RYR2: variants seen among roughly 807,000 people sequenced by gnomAD.
RYR2 encodes the protein ryanodine receptor 2.
In RYR2, 227 loss-of-function variants were observed where a neutral mutation model predicts 601.1. The ratio of observed to expected loss-of-function variants is 0.38; its 90% CI spans 0.34 to 0.42. The LOEUF (loss-of-function observed/expected upper bound fraction) is 0.42. RYR2 is among the 10% of genes least tolerant of loss of function. The pLI, the probability that RYR2 is intolerant of heterozygous loss-of-function variation, is 1.00. For missense variants in RYR2, 4,646 were observed against 6,156.5 expected (o/e 0.75, Z 8.21); for synonymous variants, 2,223 against 2,175.1 (o/e 1.02, Z -0.61).
chr1:237,797,128 C>A (rs1446283446), intron 96 of RYR2, among the ~76,000 whole-genome samples: 1 of 151,890 alleles, frequency 6.6e-6, no homozygotes, highest in African/African-American at 2.4e-5. Context: ...GGTATATGAA[C>A]CAGAGGCCAA....
intron 1 of RYR2, among the ~76,000 whole-genome samples, chr1:237,258,209 G>A (rs886431220): frequency 6.6e-6 from 1 of 151,556 alleles, no homozygotes; most frequent in African/African-American, 2.4e-5. Context: ...AAAAGAAAAG[G>A]GCTTTGCACA....
chr1:237,626,887 C>G (rs1679732696), intron 40 of RYR2, among the ~76,000 whole-genome samples: 1 of 151,946 alleles, frequency 6.6e-6, no homozygotes, highest in Non-Finnish European at 1.5e-5. Context: ...TTCAACGTTT[C>G]TTATGAATCA....
intron 1 of RYR2, among the ~76,000 whole-genome samples, chr1:237,221,459 C>A (rs1431261808): frequency 3.3e-5 from 5 of 152,226 alleles, no homozygotes; most frequent in Non-Finnish European, 7.4e-5. Flanking sequence ...ACAAGCATGA[C>A]ATTTCGAACA....
At chr1:237,828,523 C>G in intron 102 of RYR2, 78 bp downstream of exon 102, 1 of 944,318 alleles carries the variant, frequency 1.1e-6, no homozygotes, top group Non-Finnish European at 1.6e-6. Flanking sequence ...TCAATAGAAT[C>G]ATGAATGTGG....
intron 8 of RYR2, among the ~76,000 whole-genome samples, chr1:237,379,581 T>C (rs564094291): frequency 1.2e-3 from 183 of 152,368 alleles, no homozygotes; most frequent in Admixed American, 2.0e-3. Flanking sequence ...TCATGATTAA[T>C]TAAAATTTAC....
intron 7 of RYR2, 130 bp downstream of exon 7, chr1:237,374,925 G>T: frequency 1.4e-6 from 1 of 701,408 alleles, no homozygotes; most frequent in Non-Finnish European, 2.4e-6. Flanking sequence ...ATGTTCTAAT[G>T]AAAGTTTTTC....
intron 87 of RYR2, among the ~76,000 whole-genome samples, chr1:237,775,088 A>AAAC (rs1694557710): frequency 6.6e-6 from 1 of 151,852 alleles, no homozygotes; most frequent in Admixed American, 6.6e-5. Context: ...AAAAAAAAAA[A>AAAC]AAAAAAACAG....
rs386370106 is a variant in RYR2, at chr1:237,262,245, G to GTTTTTTTTTTTTTTT, written c.49-8239_49-8225dup. 1.4e-3 allele frequency among the ~76,000 whole-genome samples: 85 copies of GTTTTTTTTTTTTTTT among 61,100 alleles called. 7 individuals are homozygous for GTTTTTTTTTTTTTTT. Among genetic ancestry groups the GTTTTTTTTTTTTTTT allele is most frequent in the East Asian group, 6.2e-3 (6 of 962 alleles). 40.1% of individuals were successfully genotyped at this position (61,100 alleles called of 152,430 possible). On this transcript the variant is annotated intron_variant, in intron 1 of 104. Transcript: ENST00000366574. ...AAATATTAGATCTCTGTTCTAAAGA[G>GTTTTTTTTTTTTTTT]TTTTTTTTTTTTTTTTTTTTTTTTT... is the stretch of plus-strand genomic sequence containing the variant.
intron 24 of RYR2, 21 bp downstream of exon 24, chr1:237,511,812 T>A (rs1665927261): frequency 1.7e-6 from 2 of 1,169,628 alleles, no homozygotes; most frequent in East Asian, 2.9e-5. Context: ...TAACTTTTTC[T>A]ATTTTCCAAC....
intron 2 of RYR2, among the ~76,000 whole-genome samples, chr1:237,315,562 T>C (rs7516891): frequency 0.09 from 13,658 of 152,256 alleles, 1,204 homozygotes; most frequent in African/African-American, 0.23. Context: ...TTCTGTAATA[T>C]ACTTTGAACA....
chr1:237,608,771 G>A (rs72751210), intron 35 of RYR2, among the ~76,000 whole-genome samples: 31,332 of 146,798 alleles, frequency 0.21, 3,604 homozygotes, highest in East Asian at 0.47. Flanking sequence ...ATGAGAGAAA[G>A]GAGGCAGCAA....
intron 12 of RYR2, among the ~76,000 whole-genome samples, chr1:237,435,716 A>G (rs1707282525): frequency 6.6e-6 from 1 of 152,192 alleles, no homozygotes; most frequent in Non-Finnish European, 1.5e-5. Context: ...ACAAAACACA[A>G]GTGGTTGTCT....
At chr1:237,195,987 C>T (rs1407009103) in intron 1 of RYR2, among the ~76,000 whole-genome samples, 2 of 152,236 alleles carry the variant, frequency 1.3e-5, no homozygotes, top group Admixed American at 6.5e-5. Flanking sequence ...ATGTCTTGTC[C>T]GGCATGTTGT....
chr1:237,662,667 T>C (rs1438538893), intron 56 of RYR2, among the ~76,000 whole-genome samples: 1 of 152,218 alleles, frequency 6.6e-6, no homozygotes, highest in Non-Finnish European at 1.5e-5. Flanking sequence ...CTTTCTCCTT[T>C]TTGTTCTAAT....
At chr1:237,318,936 C>G (rs779445506) in intron 2 of RYR2, among the ~76,000 whole-genome samples, 1 of 152,046 alleles carries the variant, frequency 6.6e-6, no homozygotes. Context: ...TTCTGAGACT[C>G]CCATTACACG....
At chr1:237,092,494 C>T (rs190918983) in intron 1 of RYR2, among the ~76,000 whole-genome samples, 52 of 149,722 alleles carry the variant, frequency 3.5e-4, no homozygotes, top group Middle Eastern at 3.5e-3. Flanking sequence ...ATGTGGTATA[C>T]TATACAGATC....
intron 1 of RYR2, among the ~76,000 whole-genome samples, chr1:237,185,427 A>G (rs1260079831): frequency 6.6e-6 from 1 of 152,174 alleles, no homozygotes; most frequent in Non-Finnish European, 1.5e-5. Flanking sequence ...TGCTCCATAT[A>G]TCTAAAACAG....
chr1:237,576,383 G>C (rs1009153167), intron 29 of RYR2, among the ~76,000 whole-genome samples: 1 of 152,124 alleles, frequency 6.6e-6, no homozygotes, highest in African/African-American at 2.4e-5. Flanking sequence ...AAAATAGAGT[G>C]GTATTGTTGT....
chr1:237,740,340 C>G (rs996484621), intron 79 of RYR2, among the ~76,000 whole-genome samples: 2 of 152,080 alleles, frequency 1.3e-5, no homozygotes, highest in Non-Finnish European at 2.9e-5. Flanking sequence ...AGTCTGTACA[C>G]CAAGTAAATT....
Sources: gnomAD v4.1 joint callset for allele counts (sites outside exome capture counted in the v4.1 genomes callset) on GRCh38, gnomAD v4.1.1 for gene constraint, MANE v1.5 for transcripts, NCBI Gene and HGNC (gene_info 2026-07-23, HGNC 2026-07-21) for gene names.